Variants in QPCT observed in about 807,000 individuals in gnomAD.
QPCT encodes the protein EC.
Under a neutral mutation model 43.4 loss-of-function variants are expected in QPCT, and 44 were observed. That is an observed-to-expected ratio of 1.01 (90% CI 0.80 to 1.30). QPCT has a LOEUF of 1.30. QPCT is among the 50% of genes most tolerant of loss of function. The pLI is 0.00. For missense variants in QPCT, 526 were observed against 436.5 expected (o/e 1.21, Z -1.83); for synonymous variants, 168 against 168.4 (o/e 1.00, Z 0.02).
At chr2:37,366,132 G>A (rs910941290) in intron 3 of QPCT, among the ~76,000 whole-genome samples, 1 of 152,040 alleles carries the variant, frequency 6.6e-6, no homozygotes, top group Admixed American at 6.6e-5. Flanking sequence ...GGGGGTGAAG[G>A]ACCATGAAAA....
intron 2 of QPCT, among the ~76,000 whole-genome samples, chr2:37,357,211 G>C (rs1487800243): frequency 1.3e-5 from 2 of 151,092 alleles, no homozygotes; most frequent in Non-Finnish European, 2.9e-5. Context: ...CTTGCAATCT[G>C]CAATTGGTGT....
rs1021748659 is a variant in QPCT at position 37,367,101 on chromosome 2, A to T, written c.547-131A>T. The T allele has an allele frequency of 8.6e-6, 9 of 1,043,312 alleles. No individual in the cohort carries two copies. In the African/African-American group the frequency reaches 1.3e-4, roughly 15 times the overall value. The allele number at this position is 1,043,312 out of a possible 1,614,324, so 64.6% of individuals were successfully genotyped here. A position where few individuals can be genotyped will look rare whatever the true frequency, so the allele number is the denominator to read the frequency against. On this transcript the variant is annotated intron_variant, in intron 3 of 6. Coordinates refer to ENST00000338415, the MANE Select transcript of QPCT (RefSeq NM_012413.4). ...GAAGTGGTGTGGAATAAATTTTGCC[A>T]TAGTTTCACTTGCTTTGGTATCTTC...
At chr2:37,358,065 TA>T (rs1421239221) in intron 2 of QPCT, among the ~76,000 whole-genome samples, 1 of 144,066 alleles carries the variant, frequency 6.9e-6, no homozygotes, top group African/African-American at 2.6e-5. Context: ...TGACTTTTTA[TA>T]AAAATAATTT....
At chr2:37,349,690 C>T (rs781535353) in intron 1 of QPCT, among the ~76,000 whole-genome samples, 1 of 152,108 alleles carries the variant, frequency 6.6e-6, no homozygotes, top group African/African-American at 2.4e-5. Context: ...TCAGAAGCAT[C>T]GAATGTCAGA....
At chr2:37,364,880 A>G (rs1440497906) in intron 3 of QPCT, among the ~76,000 whole-genome samples, 1 of 151,670 alleles carries the variant, frequency 6.6e-6, no homozygotes, top group African/African-American at 2.4e-5. Flanking sequence ...TGATATTTAC[A>G]TGTATGTGTG....
chr2:37,356,316 A>G (rs1410020524), intron 2 of QPCT, among the ~76,000 whole-genome samples: 1 of 151,538 alleles, frequency 6.6e-6, no homozygotes, highest in African/African-American at 2.4e-5. Flanking sequence ...CTTTATCCCT[A>G]TCTCCATCTC....
chr2:37,367,324 C>A lies in QPCT; in HGVS notation c.639C>A (p.Leu213=). The change falls in exon 4 of 7, where the codon CTC becomes CTA. Residue 213 remains leucine, a synonymous_variant. Transcript: ENST00000338415. ...AFLHWSPQDS[L]YGSRHLAAKM... ...TTCACTGGTCTCCTCAAGATTCTCT[C>A]TATGGGTCTCGACACTTAGCTGCAA... 1 of 1,614,096 alleles carries A rather than the reference C, an allele frequency of 6.2e-7. No individual in the cohort carries two copies. The highest frequency in any genetic ancestry group is 8.5e-7 in the Non-Finnish European group (1 of 1,179,980).
intron 3 of QPCT, among the ~76,000 whole-genome samples, chr2:37,366,399 C>T (rs1672962093): frequency 6.6e-6 from 1 of 152,152 alleles, no homozygotes; most frequent in South Asian, 2.1e-4. Flanking sequence ...GCTGGTGGCA[C>T]ATTTTGCCAT....
chr2:37,347,593 T>C (rs1672531248), intron 1 of QPCT, among the ~76,000 whole-genome samples: 1 of 152,118 alleles, frequency 6.6e-6, no homozygotes, highest in African/African-American at 2.4e-5. Context: ...CCTTCTCTTC[T>C]GACACCCCCT....
chr2:37,351,144 A>G (rs1052928322), intron 1 of QPCT, among the ~76,000 whole-genome samples: 2 of 152,278 alleles, frequency 1.3e-5, no homozygotes, highest in Admixed American at 6.5e-5. Context: ...GGAGTCGATC[A>G]CATGGAATGA....
chr2:37,365,232 A>G (rs948602619), intron 3 of QPCT, among the ~76,000 whole-genome samples: 2 of 152,204 alleles, frequency 1.3e-5, no homozygotes, highest in Middle Eastern at 3.4e-3. Context: ...TGAAGAGGGA[A>G]GGGAGATGAA....
chr2:37,359,732 C>T lies in QPCT; in HGVS notation c.420C>T (p.His140=). Reference sequence around the variant, plus strand: ...AACGACATTTGGTCCTCGCCTGCCACTATGACTCCAAGTATTTTTCCCACT... The same window carrying T: ...AACGACATTTGGTCCTCGCCTGCCATTATGACTCCAAGTATTTTTCCCACT... The part of the protein sequence containing the change: ...TAKRHLVLAC[H]YDSKYFSHWN... Residue 140 remains histidine, a synonymous_variant, in exon 3 of 7, where the codon CAC becomes CAT. Transcript: ENST00000338415. 2 of 1,614,172 alleles carry T rather than the reference C, an allele frequency of 1.2e-6. No individual in the cohort carries two copies. Among genetic ancestry groups the T allele is most frequent in the Non-Finnish European group, 1.7e-6 (2 of 1,180,024 alleles).
intron 1 of QPCT, among the ~76,000 whole-genome samples, chr2:37,345,493 A>G (rs1394566270): frequency 6.6e-6 from 1 of 152,232 alleles, no homozygotes; most frequent in Non-Finnish European, 1.5e-5. Flanking sequence ...TAGAAATCGC[A>G]TATAAGGAAC....
chr2:37,344,844 A>T lies in QPCT; in HGVS notation c.113A>T (p.Glu38Val), dbSNP rs780216218. The T allele has an allele frequency of 1.3e-6, 2 of 1,593,174 alleles. No individual in the cohort carries two copies. Among genetic ancestry groups the T allele is most frequent in the South Asian group, 1.1e-5 (1 of 88,774 alleles). Residue 38 changes from glutamate to valine, a missense_variant, in exon 1 of 7, where the codon GAG becomes GTG. By Grantham distance (121) the Glu-to-Val change is moderately radical. Transcript: ENST00000338415. ...GVSPSASAWP[E>V]EKNYHQPAIL... is the part of the protein sequence containing the mutation. The stretch of plus-strand genomic sequence containing the variant: ...AGTCCGAGTGCCTCAGCCTGGCCAG[A>T]GGAGAAGGTGAGGGGCTGTTTCTGC...
chr2:37,349,944 A>C (rs779210107), intron 1 of QPCT, among the ~76,000 whole-genome samples: 2 of 152,218 alleles, frequency 1.3e-5, no homozygotes, highest in Admixed American at 6.5e-5. Flanking sequence ...ATATTTATCA[A>C]ATGCTCAAGA....
chr2:37,354,301 C>G (rs1044775745), intron 2 of QPCT, among the ~76,000 whole-genome samples: 2 of 152,152 alleles, frequency 1.3e-5, no homozygotes, highest in Non-Finnish European at 2.9e-5. Flanking sequence ...CGGTAGACAC[C>G]CTGCAGGCAC....
chr2:37,360,571 C>T (rs962096608), intron 3 of QPCT, among the ~76,000 whole-genome samples: 1 of 152,190 alleles, frequency 6.6e-6, no homozygotes, highest in Non-Finnish European at 1.5e-5. Flanking sequence ...ACTTTGTTCT[C>T]AGGCAACAAA....
At chr2:37,348,490 A>T (rs1672554549) in intron 1 of QPCT, among the ~76,000 whole-genome samples, 1 of 152,194 alleles carries the variant, frequency 6.6e-6, no homozygotes, top group African/African-American at 2.4e-5. Context: ...AGACAGACAG[A>T]GGTGTTAATC....
chr2:37,358,246 CT>C (rs1230095451), intron 2 of QPCT, among the ~76,000 whole-genome samples: 1 of 151,858 alleles, frequency 6.6e-6, no homozygotes, highest in Non-Finnish European at 1.5e-5. Flanking sequence ...AACTCCATCT[CT>C]ACAAAAAACC....
Sources: gnomAD v4.1 joint callset for allele counts (sites outside exome capture counted in the v4.1 genomes callset) on GRCh38, gnomAD v4.1.1 for gene constraint, MANE v1.5 for transcripts, NCBI Gene and HGNC (gene_info 2026-07-23, HGNC 2026-07-21) for gene names.